The following ZFHX3 variants were observed in gnomAD, a reference collection of about 807,000 sequenced individuals.
ZFHX3 encodes zinc finger homeobox protein 3.
A neutral mutation model predicts 279.1 loss-of-function variants in ZFHX3; 42 were observed. That is an observed-to-expected ratio of 0.15 (90% CI 0.12 to 0.19). The LOEUF (loss-of-function observed/expected upper bound fraction) is 0.19, where lower values mean the gene tolerates loss of function less well. ZFHX3 is among the 10% of genes least tolerant of loss of function. The pLI, the probability that ZFHX3 is intolerant of heterozygous loss-of-function variation, is 1.00. For synonymous variants in ZFHX3, 2,293 were observed against 1,957.8 expected, an observed-to-expected ratio of 1.17 and a Z score of -4.52; for missense variants, 4,981 against 4,754.0, an observed-to-expected ratio of 1.05 and a Z score of -1.40.
chr16:72,915,023 A>G (rs1435320858), intron 3 of ZFHX3, among the ~76,000 whole-genome samples: 1 of 152,120 alleles, frequency 6.6e-6, no homozygotes, highest in African/African-American at 2.4e-5. Flanking sequence ...CAACAAAAAC[A>G]CATAGGCTAA....
At chr16:72,964,007 G>C (rs1597026451) in intron 1 of ZFHX3, among the ~76,000 whole-genome samples, 3 of 152,344 alleles carry the variant, frequency 2.0e-5, no homozygotes, top group Admixed American at 2.0e-4. Context: ...AGAAACTGTT[G>C]CCTCCAAGAA....
At chr16:73,161,234 A>T (rs1003056772) in intron 5 of ZFHX3, among the ~76,000 whole-genome samples, 50 of 152,058 alleles carry the variant, frequency 3.3e-4, no homozygotes, top group Admixed American at 3.3e-3. Flanking sequence ...TCAGCCTCCC[A>T]AACTTCTAGG....
At chr16:73,321,174 T>A (rs1341523562) in intron 3 of ZFHX3, among the ~76,000 whole-genome samples, 1 of 152,136 alleles carries the variant, frequency 6.6e-6, no homozygotes, top group Non-Finnish European at 1.5e-5. Context: ...TTCTCCTGAG[T>A]CTTACGTGAT....
At chr16:73,858,068 C>T (rs917216988) in intron 1 of ZFHX3, among the ~76,000 whole-genome samples, 1 of 151,056 alleles carries the variant, frequency 6.6e-6, no homozygotes, top group African/African-American at 2.4e-5. Context: ...TGTACTCCAG[C>T]CTGGGCAACA....
chr16:73,310,154 G>A (rs774409546), intron 4 of ZFHX3, among the ~76,000 whole-genome samples: 3 of 152,072 alleles, frequency 2.0e-5, no homozygotes, highest in East Asian at 1.9e-4. Flanking sequence ...TGATCTGCCC[G>A]CCTTGGACTC....
intron 2 of ZFHX3, among the ~76,000 whole-genome samples, chr16:73,491,742 G>C (rs961890278): frequency 2.0e-5 from 3 of 152,136 alleles, no homozygotes; most frequent in Admixed American, 1.3e-4. Flanking sequence ...GCAGTGTATA[G>C]AGACATTTTT....
At chr16:73,175,401 C>CAAACAAAA (rs1400126279) in intron 5 of ZFHX3, among the ~76,000 whole-genome samples, 366 of 151,792 alleles carry the variant, frequency 2.4e-3, no homozygotes, top group African/African-American at 8.7e-3. Flanking sequence ...AACAAACAAA[C>CAAACAAAA]AAAAAAACCA....
intron 1 of ZFHX3, among the ~76,000 whole-genome samples, chr16:73,742,510 A>T (rs1455436287): frequency 6.6e-6 from 1 of 152,208 alleles, no homozygotes; most frequent in Non-Finnish European, 1.5e-5. Context: ...TCCAGGGCAA[A>T]TATTCCAAAT....
intron 2 of ZFHX3, among the ~76,000 whole-genome samples, chr16:73,465,555 T>C (rs1285984340): frequency 6.6e-6 from 1 of 152,052 alleles, no homozygotes; most frequent in Non-Finnish European, 1.5e-5. Context: ...TCGTCCACAC[T>C]CTCTAGCTCA....
At chr16:73,485,960 G>A (rs76551596) in intron 2 of ZFHX3, among the ~76,000 whole-genome samples, 1,913 of 152,298 alleles carry the variant, frequency 0.013, 35 homozygotes, top group African/African-American at 0.044. Flanking sequence ...CAACAGGAGA[G>A]CAGGGACCAC....
At chr16:73,486,996 T>C in intron 2 of ZFHX3, 1 of 347,214 alleles carries the variant, frequency 2.9e-6, no homozygotes, top group South Asian at 2.3e-5. Context: ...TAAAACCTGC[T>C]TGGAAAAATA....
chr16:72,954,496 G>C (rs1444580351), intron 2 of ZFHX3, among the ~76,000 whole-genome samples: 1 of 152,118 alleles, frequency 6.6e-6, no homozygotes, highest in Admixed American at 6.5e-5. Flanking sequence ...CTGACACCTT[G>C]ACACGTGAGC....
In ZFHX3 at chr16:73,887,742, CT is replaced by C. The variant is rs934438552; in HGVS notation, c.-1608+3908del. ...AAAGTTTTCTAAAGTAACACACACACTTTTTTTTGTTAATAAAGTATGTTGG... is the reference window on the plus strand; with the variant it reads ...AAAGTTTTCTAAAGTAACACACACACTTTTTTTGTTAATAAAGTATGTTGG... On this transcript the variant is annotated intron_variant, in intron 1 of 17. Transcript: ENST00000641206. Among the ~76,000 whole-genome samples the C allele has an allele frequency of 9.2e-5, 14 of 152,012 alleles. 1 individual carries two copies. Among genetic ancestry groups the C allele is most frequent in the African/African-American group, 1.2e-4 (5 of 41,472 alleles).
At position 73,609,029 on chromosome 16, in the gene ZFHX3, A is replaced by G. The variant is rs541029394; in HGVS notation, c.-1547+71151T>C. 2.0e-5 allele frequency: 3 copies of G among 152,292 alleles called. No individual in the cohort carries two copies. The South Asian group carries it at 6.2e-4, about 32-fold the overall frequency. 9.4% of individuals were successfully genotyped at this position (152,292 alleles called of 1,614,324 possible). A position where few individuals can be genotyped will look rare whatever the true frequency, so the allele number is the denominator to read the frequency against. ...TAGTGACTGACTTTAAATTACTCAT[A>G]AACTTTGTAACAATCTGATGTTTTC... On this transcript the variant is annotated intron_variant, in intron 2 of 17. Transcript: ENST00000641206.
intron 1 of ZFHX3, among the ~76,000 whole-genome samples, chr16:73,770,653 G>A (rs886204312): frequency 6.6e-6 from 1 of 152,196 alleles, no homozygotes; most frequent in Non-Finnish European, 1.5e-5. Flanking sequence ...CAAGATAGTA[G>A]ACATTTTCCA....
chr16:73,483,175 G>C (rs933461098), intron 2 of ZFHX3: 1 of 342,958 alleles, frequency 2.9e-6, no homozygotes, highest in African/African-American at 2.2e-5. Flanking sequence ...CGATCCCTCC[G>C]AGGGTGACCC....
chr16:73,499,348 T>G (rs1047968560), intron 2 of ZFHX3: 1 of 152,208 alleles, frequency 6.6e-6, no homozygotes, highest in African/African-American at 2.4e-5. Flanking sequence ...AGTTAATTAG[T>G]GCACTTGGGT....
At chr16:73,444,517 G>A (rs1458802979) in intron 3 of ZFHX3, among the ~76,000 whole-genome samples, 1 of 152,208 alleles carries the variant, frequency 6.6e-6, no homozygotes. Flanking sequence ...TAAATGGGAT[G>A]CATTTGTAAG....
In ZFHX3 at chr16:72,909,877, C is replaced by CAAAAA. The variant is rs66982395; in HGVS notation, c.3217-19920_3217-19916dup. Among the ~76,000 whole-genome samples the CAAAAA allele has an allele frequency of 6.6e-4, 54 of 82,204 alleles. 1 individual carries two copies. The highest frequency in any genetic ancestry group is 1.7e-3 in the African/African-American group (35 of 20,710). The allele number at this position is 82,204 out of a possible 152,430, so 53.9% of individuals were successfully genotyped here. ...TGGGTGACAAAGTGACACCGTGTCTCAAAAAAAAAAAAAAAAAAAAAAATT... is the reference window on the plus strand; with the variant it reads ...TGGGTGACAAAGTGACACCGTGTCTCAAAAAAAAAAAAAAAAAAAAAAAAAAAATT... On this transcript the variant is annotated intron_variant, in intron 3 of 9. Coordinates refer to ENST00000268489, the MANE Select transcript of ZFHX3 (RefSeq NM_006885.4).
Sources: allele counts gnomAD v4.1 joint callset (sites outside exome capture counted in the v4.1 genomes callset), GRCh38; gene constraint gnomAD v4.1.1; transcripts MANE v1.5; gene names NCBI Gene and HGNC (gene_info 2026-07-23, HGNC 2026-07-21).